The following CEP128 variants were observed in gnomAD, a reference collection of about 807,000 sequenced individuals.
The protein encoded by CEP128 is centrosomal protein 128kDa.
A neutral mutation model predicts 156.7 loss-of-function variants in CEP128; 132 were observed. The ratio of observed to expected loss-of-function variants is 0.84; its 90% CI spans 0.73 to 0.97. CEP128 has a LOEUF of 0.97. Ranked by LOEUF, CEP128 falls within the 50% of genes least tolerant of loss-of-function variation. CEP128 has a pLI of 0.00. For synonymous variants in CEP128, 469 were observed against 448.9 expected (o/e 1.04, Z -0.57); for missense variants, 1,252 against 1,281.9 (o/e 0.98, Z 0.36).
chr14:80,806,327 G>C (rs1884174324), intron 13 of CEP128, among the ~76,000 whole-genome samples: 2 of 151,934 alleles, frequency 1.3e-5, no homozygotes, highest in Admixed American at 1.3e-4. Context: ...TCATCTCTTT[G>C]GGAAGAAATA....
At chr14:80,887,963 C>T (rs1285308579) in intron 8 of CEP128, among the ~76,000 whole-genome samples, 4 of 152,136 alleles carry the variant, frequency 2.6e-5, no homozygotes, top group Admixed American at 1.3e-4. Flanking sequence ...ACTGATCCCA[C>T]AGAAATACAC....
At position 80,670,989 on chromosome 14, in the gene CEP128, C is replaced by T. The variant is rs373436595; in HGVS notation, c.2806+72086G>A. ...ACCTTGATCTGTAAGAAAAGTATCACATTCACTTGTTTTTCTTTCTTTCTT... is the reference window on the plus strand; with the variant it reads ...ACCTTGATCTGTAAGAAAAGTATCATATTCACTTGTTTTTCTTTCTTTCTT... On this transcript the variant is annotated intron_variant, in intron 19 of 24. Coordinates refer to ENST00000555265, the MANE Select transcript of CEP128 (RefSeq NM_152446.5). Among the ~76,000 whole-genome samples, 31 of 151,896 alleles carry T rather than the reference C, an allele frequency of 2.0e-4. No individual in the cohort carries two copies. In the East Asian group the frequency reaches 5.4e-3, roughly 26 times the overall value.
intron 19 of CEP128, among the ~76,000 whole-genome samples, chr14:80,642,500 T>G (rs1894459394): frequency 6.6e-6 from 1 of 151,910 alleles, no homozygotes; most frequent in Admixed American, 6.6e-5. Flanking sequence ...CTAGGTAACA[T>G]AGTGAGACCC....
chr14:80,636,589 A>G (rs754030214), intron 19 of CEP128, among the ~76,000 whole-genome samples: 2 of 152,170 alleles, frequency 1.3e-5, no homozygotes, highest in Non-Finnish European at 2.9e-5. Flanking sequence ...GCACCAGAGA[A>G]TTAGAGATGA....
intron 14 of CEP128, among the ~76,000 whole-genome samples, chr14:80,484,409 C>A (rs1437353548): frequency 1.2e-4 from 19 of 152,206 alleles, no homozygotes; most frequent in Admixed American, 1.2e-3. Context: ...CTTGGGTTAT[C>A]AATGTTACCA....
chr14:80,538,284 CTTAA>C (rs2140300672), intron 21 of CEP128, among the ~76,000 whole-genome samples: 2 of 152,204 alleles, frequency 1.3e-5, no homozygotes, highest in South Asian at 4.1e-4. Flanking sequence ...AAAAGCCAAA[CTTAA>C]TTAAAACTAT....
At chr14:80,773,078 A>G (rs888237505) in intron 16 of CEP128, among the ~76,000 whole-genome samples, 11 of 152,160 alleles carry the variant, frequency 7.2e-5, no homozygotes, top group African/African-American at 2.7e-4. Context: ...GGTATCTCTG[A>G]ATTCCTCCAG....
chr14:80,479,303 T>C (rs571374634), intron 14 of CEP128, among the ~76,000 whole-genome samples: 6 of 152,218 alleles, frequency 3.9e-5, no homozygotes, highest in East Asian at 1.9e-4. Flanking sequence ...GAATAAAACA[T>C]TGAAAAACAA....
At chr14:80,715,093 T>C (rs1566873059) in intron 19 of CEP128, among the ~76,000 whole-genome samples, 1 of 151,922 alleles carries the variant, frequency 6.6e-6, no homozygotes, top group Admixed American at 6.6e-5. Flanking sequence ...AGTGGTGGTG[T>C]GCACCCATGG....
At chr14:80,734,846 C>CAAA (rs397798792) in intron 19 of CEP128, among the ~76,000 whole-genome samples, 7 of 62,032 alleles carry the variant, frequency 1.1e-4, no homozygotes, top group East Asian at 9.7e-4. Context: ...GACCCCATCT[C>CAAA]AAAAAAAAAA....
At chr14:80,616,208 A>T (rs1893205022) in intron 19 of CEP128, among the ~76,000 whole-genome samples, 1 of 152,222 alleles carries the variant, frequency 6.6e-6, no homozygotes, top group South Asian at 2.1e-4. Context: ...CTTGCTTGAT[A>T]GTTCATTCAG....
chr14:80,537,055 CA>C (rs1361303516), intron 21 of CEP128, among the ~76,000 whole-genome samples: 1 of 152,118 alleles, frequency 6.6e-6, no homozygotes, highest in African/African-American at 2.4e-5. Flanking sequence ...CTATTGTAGT[CA>C]AAAGTGGTAG....
intron 13 of CEP128, among the ~76,000 whole-genome samples, chr14:80,802,329 T>C (rs1428379893): frequency 6.6e-6 from 1 of 152,086 alleles, no homozygotes; most frequent in Non-Finnish European, 1.5e-5. Context: ...AAATATGGTA[T>C]ATATACATCA....
chr14:80,649,184 C>T (rs567970156), intron 19 of CEP128, among the ~76,000 whole-genome samples: 11 of 151,902 alleles, frequency 7.2e-5, no homozygotes, highest in Admixed American at 1.3e-4. Flanking sequence ...AAATGTGGTG[C>T]GCTCCAAAAG....
intron 13 of CEP128, among the ~76,000 whole-genome samples, chr14:80,815,498 G>A (rs778809111): frequency 3.9e-5 from 6 of 152,204 alleles, no homozygotes; most frequent in Admixed American, 1.3e-4. Context: ...CTTATGGATT[G>A]TAGTATGGAG....
chr14:80,796,417 G>A (rs763503340), intron 13 of CEP128, among the ~76,000 whole-genome samples: 13 of 150,916 alleles, frequency 8.6e-5, no homozygotes, highest in South Asian at 2.1e-4. Context: ...CTGAGCTTCC[G>A]CCACTGCACT....
intron 22 of CEP128, among the ~76,000 whole-genome samples, chr14:80,529,919 A>T (rs1480697501): frequency 1.3e-5 from 2 of 152,240 alleles, no homozygotes; most frequent in African/African-American, 4.8e-5. Context: ...AAGACAGTGT[A>T]GACCTTGGGA....
At chr14:80,703,297 C>T (rs1361743569) in intron 19 of CEP128, among the ~76,000 whole-genome samples, 1 of 151,964 alleles carries the variant, frequency 6.6e-6, no homozygotes, top group African/African-American at 2.4e-5. Flanking sequence ...AAGTATTGTC[C>T]ATAAATTCTA....
intron 19 of CEP128, among the ~76,000 whole-genome samples, chr14:80,604,363 A>G (rs755725556): frequency 6.6e-6 from 1 of 152,158 alleles, no homozygotes; most frequent in East Asian, 1.9e-4. Context: ...CAGTTTTAAT[A>G]TCCTCGATGG....
Sources: gnomAD v4.1 joint callset for allele counts (sites outside exome capture counted in the v4.1 genomes callset) on GRCh38, gnomAD v4.1.1 for gene constraint, MANE v1.5 for transcripts, NCBI Gene and HGNC (gene_info 2026-07-23, HGNC 2026-07-21) for gene names.